KCNQ5: variants seen among roughly 807,000 people sequenced by gnomAD.
The protein encoded by KCNQ5 is potassium voltage-gated channel subfamily Q member 5, also known as potassium voltage-gated channel subfamily KQT member 5.
In KCNQ5, 30 loss-of-function variants were observed where a neutral mutation model predicts 98.2. The ratio of observed to expected loss-of-function variants is 0.31; its 90% CI spans 0.23 to 0.41. The LOEUF (loss-of-function observed/expected upper bound fraction) is 0.41. Ranked by LOEUF, KCNQ5 falls within the 10% of genes least tolerant of loss-of-function variation. The probability of loss-of-function intolerance (pLI) is 1.00; values close to 1 mark genes in which losing one functional copy is unlikely to be tolerated. For synonymous variants in KCNQ5, 458 were observed against 449.4 expected (o/e 1.02, Z -0.24); for missense variants, 835 against 1,182.5 (o/e 0.71, Z 4.31).
chr6:72,984,859 TTTTTTTTAA>T (rs1415263107), intron 1 of KCNQ5, among the ~76,000 whole-genome samples: 1 of 152,058 alleles, frequency 6.6e-6, no homozygotes, highest in Non-Finnish European at 1.5e-5. Flanking sequence ...ATCCCAACAA[TTTTTTTTAA>T]TAACAGTAAA....
rs116321577 is a variant in KCNQ5 at position 73,122,541 on chromosome 6, A to T, written c.1221-1945A>T. Among the ~76,000 whole-genome samples the T allele has an allele frequency of 2.1e-3, 324 of 152,216 alleles. 1 individual carries two copies. The highest frequency in any genetic ancestry group is 7.2e-3 in the African/African-American group (301 of 41,520). On this transcript the variant is annotated intron_variant, in intron 8 of 13. Transcript: ENST00000370398. ...CTCACTTTCCTTTTCCTGCAAACTC[A>T]TGAACCATGGGGCTCAGCTCCATTG... is the stretch of plus-strand genomic sequence containing the variant.
chr6:72,772,955 A>T (rs534222021), intron 1 of KCNQ5, among the ~76,000 whole-genome samples: 19 of 152,270 alleles, frequency 1.2e-4, no homozygotes, highest in African/African-American at 4.6e-4. Flanking sequence ...GGAAATTTTA[A>T]AATTAAACTA....
chr6:73,124,371 G>T, intron 8 of KCNQ5, 115 bp from the exon 9 acceptor site: 1 of 869,782 alleles, frequency 1.1e-6, no homozygotes. Flanking sequence ...GATCTTGCAT[G>T]AAAAGAGTTA....
chr6:72,720,889 A>G (rs1769920531), intron 1 of KCNQ5, among the ~76,000 whole-genome samples: 2 of 152,366 alleles, frequency 1.3e-5, no homozygotes, highest in South Asian at 4.1e-4. Flanking sequence ...CTTCTTAAAA[A>G]GAATCAGGAA....
Position 73,029,119 on chromosome 6 carries a change from G to A in KCNQ5, c.490-12817G>A, listed in dbSNP as rs1022349915. On this transcript the variant is annotated intron_variant, in intron 2 of 13. Coordinates refer to ENST00000370398, the MANE Select transcript of KCNQ5 (RefSeq NM_019842.4). ...ACATATTGATGATGTGAGCAGAGGT[G>A]TATGACAGCAATAATATTCCAAACA... 2.0e-5 allele frequency among the ~76,000 whole-genome samples: 3 copies of A among 152,328 alleles called. 1 individual carries two copies. The South Asian group carries it at 6.2e-4, about 32-fold the overall frequency.
At chr6:72,957,667 G>T (rs1767151204) in intron 1 of KCNQ5, among the ~76,000 whole-genome samples, 2 of 152,024 alleles carry the variant, frequency 1.3e-5, no homozygotes, top group South Asian at 4.2e-4. Flanking sequence ...TGTTTTCATC[G>T]AAATGCTAAT....
intron 3 of KCNQ5, among the ~76,000 whole-genome samples, chr6:73,062,922 G>A (rs1312013367): frequency 6.6e-6 from 1 of 152,140 alleles, no homozygotes; most frequent in African/African-American, 2.4e-5. Flanking sequence ...AAGTACTGTA[G>A]CTAATCCTTA....
intron 3 of KCNQ5, among the ~76,000 whole-genome samples, chr6:73,049,417 C>G (rs745867337): frequency 1.8e-4 from 27 of 152,168 alleles, no homozygotes; most frequent in Non-Finnish European, 3.2e-4. Context: ...TTGTTTACTT[C>G]ACTCTATAGA....
chr6:72,941,284 TC>T (rs1766218097), intron 1 of KCNQ5, among the ~76,000 whole-genome samples: 1 of 151,460 alleles, frequency 6.6e-6, no homozygotes, highest in African/African-American at 2.4e-5. Context: ...CTGGAGAGTC[TC>T]CCCAGCCCTG....
intron 8 of KCNQ5, among the ~76,000 whole-genome samples, chr6:73,124,156 T>C (rs1775855023): frequency 1.3e-5 from 2 of 152,238 alleles, no homozygotes; most frequent in African/African-American, 4.8e-5. Context: ...AGCAACATTC[T>C]AAGAGCCCTT....
At chr6:72,654,843 G>A (rs918829355) in intron 1 of KCNQ5, among the ~76,000 whole-genome samples, 3 of 152,012 alleles carry the variant, frequency 2.0e-5, no homozygotes, top group Admixed American at 1.3e-4. Context: ...TAAAGGTATT[G>A]AAGGAATTGT....
intron 1 of KCNQ5, among the ~76,000 whole-genome samples, chr6:72,775,978 G>C (rs148710930): frequency 2.6e-5 from 4 of 152,196 alleles, no homozygotes; most frequent in Non-Finnish European, 5.9e-5. Context: ...AATAAAGTAT[G>C]GACTTTAATA....
chr6:72,942,805 T>G (rs1319489774), intron 1 of KCNQ5, among the ~76,000 whole-genome samples: 1 of 152,224 alleles, frequency 6.6e-6, no homozygotes, highest in Non-Finnish European at 1.5e-5. Context: ...CACTTTGACC[T>G]TGGCCTGCAT....
At chr6:73,013,925 C>T (rs1770197690) in intron 2 of KCNQ5, among the ~76,000 whole-genome samples, 1 of 152,142 alleles carries the variant, frequency 6.6e-6, no homozygotes, top group Non-Finnish European at 1.5e-5. Flanking sequence ...ATTCAGACCA[C>T]TAGAAGTTCT....
chr6:72,732,655 A>G (rs954830197), intron 1 of KCNQ5, among the ~76,000 whole-genome samples: 12 of 152,184 alleles, frequency 7.9e-5, no homozygotes, highest in Non-Finnish European at 1.5e-4. Flanking sequence ...GAGTGCAGGA[A>G]TCACTGGAGG....
intron 1 of KCNQ5, among the ~76,000 whole-genome samples, chr6:72,718,762 A>G (rs536221307): frequency 6.0e-4 from 91 of 152,080 alleles, no homozygotes; most frequent in African/African-American, 2.1e-3. Context: ...GCTCCATCTT[A>G]TGGTCTTATT....
At chr6:72,636,385 T>C (rs958880070) in intron 1 of KCNQ5, among the ~76,000 whole-genome samples, 1 of 152,198 alleles carries the variant, frequency 6.6e-6, no homozygotes, top group Non-Finnish European at 1.5e-5. Flanking sequence ...AAAATGCAAA[T>C]GTATCATAGG....
At chr6:72,729,828 G>A (rs1770469270) in intron 1 of KCNQ5, among the ~76,000 whole-genome samples, 1 of 152,058 alleles carries the variant, frequency 6.6e-6, no homozygotes, top group East Asian at 1.9e-4. Flanking sequence ...TCTTATACTG[G>A]GCCTATATTT....
chr6:72,978,141 A>G (rs895942443), intron 1 of KCNQ5, among the ~76,000 whole-genome samples: 10 of 152,238 alleles, frequency 6.6e-5, no homozygotes, highest in African/African-American at 2.2e-4. Flanking sequence ...AATATCAAAT[A>G]TCAAATAAAT....
Sources: allele counts gnomAD v4.1 joint callset (sites outside exome capture counted in the v4.1 genomes callset), GRCh38; gene constraint gnomAD v4.1.1; transcripts MANE v1.5; gene names NCBI Gene and HGNC (gene_info 2026-07-23, HGNC 2026-07-21).